The following PC variants were observed in gnomAD, a reference collection of about 807,000 sequenced individuals.
PC encodes the protein pyruvate carboxylase, mitochondrial.
PC carries 46 observed loss-of-function variants against 107.8 expected under a neutral mutation model. The observed-to-expected ratio is 0.43, with a 90% CI of 0.34 to 0.55. The LOEUF is 0.55. Ranked by LOEUF, PC falls within the 20% of genes least tolerant of loss-of-function variation. The probability of loss-of-function intolerance (pLI) is 0.04; values close to 1 mark genes in which losing one functional copy is unlikely to be tolerated. For missense variants in PC, 1,241 were observed against 1,643.1 expected (o/e 0.76, Z 4.23); for synonymous variants, 662 against 684.7 (o/e 0.97, Z 0.52).
intron 12 of PC, among the ~76,000 whole-genome samples, chr11:66,861,626 T>A (rs1224012975): frequency 1.6e-4 from 4 of 25,510 alleles, no homozygotes; most frequent in Non-Finnish European, 2.4e-4. Flanking sequence ...CATGGAGGAG[T>A]GGGCGGGGGC....
chr11:66,921,258 T>C (rs1407214436), intron 3 of PC, among the ~76,000 whole-genome samples: 1 of 152,226 alleles, frequency 6.6e-6, no homozygotes, highest in Non-Finnish European at 1.5e-5. Flanking sequence ...TTTACATTTC[T>C]TCAAACTCTT....
intron 3 of PC, among the ~76,000 whole-genome samples, chr11:66,925,776 G>C (rs868623853): frequency 1.2e-4 from 19 of 152,270 alleles, no homozygotes; most frequent in South Asian, 1.2e-3. Context: ...TTCAGAGATT[G>C]CAGTAAAGAT....
At chr11:66,886,914 A>T (rs1203083132) in intron 3 of PC, among the ~76,000 whole-genome samples, 1 of 152,154 alleles carries the variant, frequency 6.6e-6, no homozygotes, top group Non-Finnish European at 1.5e-5. Flanking sequence ...GCCACGGTGC[A>T]CGCCCCTGGC....
intron 3 of PC, among the ~76,000 whole-genome samples, chr11:66,893,406 A>G (rs539464493): frequency 1.3e-5 from 2 of 152,270 alleles, no homozygotes; most frequent in East Asian, 3.9e-4. Context: ...CCTTTTGCCT[A>G]CAGAACCCAA....
At chr11:66,948,042 GATAGA>G in intron 3 of PC, among the ~76,000 whole-genome samples, 1 of 150,468 alleles carries the variant, frequency 6.6e-6, no homozygotes, top group African/African-American at 2.4e-5. Flanking sequence ...TAGATAGATA[GATAGA>G]TAGATAGATA....
chr11:66,949,046 G>A (rs1351290872), intron 3 of PC, among the ~76,000 whole-genome samples: 2 of 151,412 alleles, frequency 1.3e-5, no homozygotes, highest in Non-Finnish European at 2.9e-5. Context: ...AGGCTGGAGT[G>A]CAGTGGCATA....
chr11:66,873,530 A>T (rs1389422727), intron 3 of PC, among the ~76,000 whole-genome samples: 20 of 97,958 alleles, frequency 2.0e-4, no homozygotes, highest in African/African-American at 6.2e-4. Context: ...ATATATTATA[A>T]TATATATTAT....
chr11:66,883,593 T>C (rs1235464550), intron 3 of PC, among the ~76,000 whole-genome samples: 1 of 152,204 alleles, frequency 6.6e-6, no homozygotes, highest in Non-Finnish European at 1.5e-5. Flanking sequence ...TTTAATGTTA[T>C]AAAGATTTGT....
chr11:66,889,918 T>C (rs140550513), intron 3 of PC, among the ~76,000 whole-genome samples: 111 of 144,628 alleles, frequency 7.7e-4, no homozygotes, highest in African/African-American at 2.6e-3. Flanking sequence ...TCATTTTAAC[T>C]TGTTTTACCC....
chr11:66,956,121 CT>C (rs1349165026), intron 1 of PC, among the ~76,000 whole-genome samples: 5 of 152,182 alleles, frequency 3.3e-5, no homozygotes, highest in Non-Finnish European at 7.4e-5. Context: ...TTTCCAGTCA[CT>C]GACTTACCTG....
rs988794920 is a variant in PC at position 66,859,993 on chromosome 11, A to G, written c.1368+3781T>C. On this transcript the variant is annotated intron_variant, in intron 12 of 22. Transcript: ENST00000393960. ...AATGGAGGCCCCAGCCCCACACCCA[A>G]GGCCCACCCGCCGCGGAGCCCCCCG... 3 of 1,597,414 alleles carry G rather than the reference A, an allele frequency of 1.9e-6. No individual in the cohort carries two copies. The highest frequency in any genetic ancestry group is 1.7e-5 in the Admixed American group (1 of 58,610).
In PC at chr11:66,866,810, G is replaced by T. The variant is rs1414136570; in HGVS notation, c.1023-461C>A. ...GGGGCCATATGTGCTATGCTGTGTG[G>T]GTGGTTGTGAGGGGGGCAGTGTGCA... On this transcript the variant is annotated intron_variant, in intron 10 of 22. Coordinates refer to ENST00000393960, the MANE Select transcript of PC (RefSeq NM_001040716.2). This position sits in a 1 kb window ranked among gnomAD's most constrained non-coding sequence, Gnocchi z 5.4. Among the ~76,000 whole-genome samples, 1 of 152,192 alleles carries T rather than the reference G, an allele frequency of 6.6e-6. No homozygotes were observed. Among genetic ancestry groups the T allele is most frequent in the East Asian group, 1.9e-4 (1 of 5,190 alleles).
chr11:66,871,547 C>T lies in PC; in HGVS notation c.322-67G>A, dbSNP rs1946733334. On this transcript the variant is annotated intron_variant, in intron 5 of 22. Transcript: ENST00000393960. This position sits in a 1 kb window ranked among gnomAD's most constrained non-coding sequence, Gnocchi z 7.4. ...CTTCCAAGGCCTCGGCCAGCCTCTTCCCCTGCCTAACCTGCTGAGCTGCAT... is the reference window on the plus strand; with the variant it reads ...CTTCCAAGGCCTCGGCCAGCCTCTTTCCCTGCCTAACCTGCTGAGCTGCAT... 1 of 1,602,492 alleles carries T rather than the reference C, an allele frequency of 6.2e-7. No individual in the cohort carries two copies. Among genetic ancestry groups the T allele is most frequent in the Non-Finnish European group, 8.5e-7 (1 of 1,171,068 alleles).
intron 16 of PC, 140 bp downstream of exon 16, chr11:66,851,650 C>T (rs1000647836): frequency 1.1e-6 from 1 of 914,442 alleles, no homozygotes; most frequent in African/African-American, 1.6e-5. Flanking sequence ...CTCGATATTT[C>T]CAAACAGCAG....
intron 3 of PC, among the ~76,000 whole-genome samples, chr11:66,875,174 C>T (rs542997041): frequency 2.0e-5 from 3 of 149,346 alleles, no homozygotes; most frequent in Non-Finnish European, 3.0e-5. Context: ...GGCTGACAGA[C>T]GACGCATGTC....
chr11:66,947,296 A>C (rs909131479), intron 3 of PC, among the ~76,000 whole-genome samples: 15 of 152,148 alleles, frequency 9.9e-5, no homozygotes, highest in African/African-American at 3.6e-4. Flanking sequence ...ATCAGCAAAA[A>C]AAAAAAGCTG....
intron 3 of PC, among the ~76,000 whole-genome samples, chr11:66,886,134 G>A (rs766080219): frequency 1.5e-4 from 23 of 151,348 alleles, no homozygotes; most frequent in Non-Finnish European, 2.9e-4. Context: ...GGCAGAGTTA[G>A]CAAGATGGCC....
intron 3 of PC, among the ~76,000 whole-genome samples, chr11:66,916,206 TAGAC>T (rs1948459130): frequency 1.3e-5 from 2 of 152,336 alleles, no homozygotes; most frequent in East Asian, 3.9e-4. Context: ...CCCACAGCTG[TAGAC>T]AGCAAGCCTG....
At chr11:66,903,721 C>A (rs1429599825) in intron 3 of PC, among the ~76,000 whole-genome samples, 1 of 120,950 alleles carries the variant, frequency 8.3e-6, no homozygotes, top group East Asian at 2.6e-4. Context: ...GCACTCCAGC[C>A]TGGGCAACAG....
Sources: allele counts gnomAD v4.1 joint callset (sites outside exome capture counted in the v4.1 genomes callset), GRCh38; gene constraint gnomAD v4.1.1; non-coding constraint Gnocchi (gnomAD v3.1); transcripts MANE v1.5; gene names NCBI Gene and HGNC (gene_info 2026-07-23, HGNC 2026-07-21).